Variants in FLG observed in about 807,000 individuals in gnomAD.
FLG encodes the protein epidermal filaggrin.
Under a neutral mutation model 3.8 loss-of-function variants are expected in FLG, and 6 were observed. The observed-to-expected ratio is 1.60, with a 90% CI of 0.87 to 3.15. FLG has a LOEUF of 3.15. Ranked by LOEUF, FLG falls within the 30% of genes most tolerant of loss-of-function variation. The probability of loss-of-function intolerance (pLI) is 0.00; values close to 1 mark genes in which losing one functional copy is unlikely to be tolerated. For missense variants in FLG, 7,595 were observed against 5,050.9 expected (o/e 1.50, Z -15.27); for synonymous variants, 2,551 against 1,931.6 (o/e 1.32, Z -8.41).
chr1:152,310,122 C>T lies in FLG; in HGVS notation c.4764G>A (p.Arg1588=), dbSNP rs1293165795. The change falls in exon 3 of 3, where the codon AGG becomes AGA. Residue 1588 remains arginine (R), a synonymous_variant. Transcript: ENST00000368799. ...CCTGACTAACACTGGATCCCTGGCG[C>T]CTGCTTGTCTTGGACCCCGCTGATT... ...QGESAGSKTS[R]RQGSSVSQDR... 8 of 1,613,816 alleles carry T rather than the reference C, an allele frequency of 5.0e-6. No homozygotes were observed. Among genetic ancestry groups the T allele is most frequent in the Middle Eastern group, 1.6e-4 (1 of 6,084 alleles).
At chr1:152,317,616 T>G (rs1215871085) in intron 1 of FLG, among the ~76,000 whole-genome samples, 1 of 152,022 alleles carries the variant, frequency 6.6e-6, no homozygotes, top group Non-Finnish European at 1.5e-5. Context: ...TGCCCTATGA[T>G]TCACTCCTTA....
chr1:152,321,881 T>G (rs745955181), intron 1 of FLG, among the ~76,000 whole-genome samples: 5 of 151,246 alleles, frequency 3.3e-5, no homozygotes, highest in Non-Finnish European at 4.5e-5. Flanking sequence ...TCCTTTCATA[T>G]AGATGCAAAA....
In FLG at chr1:152,307,593, G is replaced by A. The variant is rs760670220; in HGVS notation, c.7293C>T (p.Thr2431=). ...HEQSESAHGR[T]GTSTGGRQGS... The stretch of plus-strand genomic sequence containing the variant: ...CTTGTCTTCCTCCAGTGCTGGTCCC[G>A]GTCCGTCCATGGGCGGACTCAGACT... Residue 2431 remains threonine (T), a synonymous_variant, in exon 3 of 3, where the codon ACC becomes ACT. Transcript: ENST00000368799. The A allele has an allele frequency of 9.0e-5, 145 of 1,613,196 alleles. 1 individual carries two copies. The highest frequency in any genetic ancestry group is 2.7e-4 in the African/African-American group (20 of 74,684).
Position 152,309,823 on chromosome 1 carries a change from G to T in FLG, c.5063C>A (p.Ser1688Ter). 1 of 1,614,108 alleles carries T rather than the reference G, an allele frequency of 6.2e-7. No homozygotes were observed. Among genetic ancestry groups the T allele is most frequent in the Non-Finnish European group, 8.5e-7 (1 of 1,180,020 alleles). Residue 1688 changes from serine (S) to a stop codon, truncating the protein, a stop_gained, in exon 3 of 3, where the codon TCA becomes TAA. Coordinates refer to ENST00000368799, the MANE Select transcript of FLG (RefSeq NM_002016.2). LOFTEE classifies it low-confidence loss of function (END_TRUNC). Reference sequence around the variant, plus strand: ...GCCTGAGTCTGTGGAGCTGTCTGCTGACTGCTGGTGGCGGGATCCATGTCT... The same window carrying T: ...GCCTGAGTCTGTGGAGCTGTCTGCTTACTGCTGGTGGCGGGATCCATGTCT... ...GERHGSRHQQ[S>*]ADSSTDSGTG...
At position 152,308,292 on chromosome 1, in the gene FLG, T is replaced by C; in HGVS notation, c.6594A>G (p.Gln2198=). 6.2e-7 allele frequency: 1 copy of C among 1,613,502 alleles called. No individual in the cohort carries two copies. Among genetic ancestry groups the C allele is most frequent in the Non-Finnish European group, 8.5e-7 (1 of 1,179,602 alleles). ...CTGAGTGCCTAGAGCCATCTCCTGA[T>C]TGTTCCTTGTCATATGTTTTTCTGC... ...SASRKTYDKE[Q]SGDGSRHSGS... The change falls in exon 3 of 3, where the codon CAA becomes CAG. Residue 2198 remains glutamine (Q), a synonymous_variant. Transcript: ENST00000368799.
Position 152,310,720 on chromosome 1 carries a change from C to T in FLG, c.4166G>A (p.Gly1389Glu), listed in dbSNP as rs1652346357. 1 of 1,614,008 alleles carries T rather than the reference C, an allele frequency of 6.2e-7. No individual in the cohort carries two copies. Among genetic ancestry groups the T allele is most frequent in the African/African-American group, 1.3e-5 (1 of 74,986 alleles). The change falls in exon 3 of 3, where the codon GGG becomes GAG. Residue 1389 changes from glycine (G) to glutamate (E), a missense_variant. Coordinates refer to ENST00000368799, the MANE Select transcript of FLG (RefSeq NM_002016.2). ...GTTAGTGACCTGACTACCACTGGAC[C>T]CTCGGTGTCCACTGTCTCTGACTGC... is the stretch of plus-strand genomic sequence containing the variant. ...SSAVRDSGHRGSSGSQVTNSE... is the reference protein window; with the variant it reads ...SSAVRDSGHRESSGSQVTNSE...
At chr1:152,322,569 G>A (rs954203583) in intron 1 of FLG, among the ~76,000 whole-genome samples, 11 of 150,884 alleles carry the variant, frequency 7.3e-5, no homozygotes, top group Non-Finnish European at 1.6e-4. Context: ...TGAAATGGCT[G>A]TACTCAGAAT....
In FLG at chr1:152,307,190, T is replaced by G. The variant is rs1343687170; in HGVS notation, c.7696A>C (p.Ser2566Arg). 8.7e-6 allele frequency: 14 copies of G among 1,612,770 alleles called. No individual in the cohort carries two copies. The highest frequency in any genetic ancestry group is 2.7e-5 in the African/African-American group (2 of 73,872). Residue 2566 changes from serine (S) to arginine (R), a missense_variant, in exon 3 of 3, where the codon AGT becomes CGT. Transcript: ENST00000368799. ...GPRTSRNWGS[S>R]FSQDSDSQGH... ...TGACTGTCACTGTCCTGGCTAAAAC[T>G]GGATCCCCAGTTCCTGCTTGTCCTG...
In FLG at chr1:152,311,476, C is replaced by T. The variant is rs546382754; in HGVS notation, c.3410G>A (p.Ser1137Asn). ...GTGGGATCCTTGTCTTCGTCCAGTG[C>T]TGGTCCTGGTCCGCCCATGGGCAGA... ...SESAHGRTRT[S>N]TGRRQGSHHE... The change falls in exon 3 of 3, where the codon AGC (serine) becomes AAC (asparagine). Residue 1137 changes from serine (S) to asparagine (N), a missense_variant. By Grantham distance (46) the Ser-to-Asn change is conservative (BLOSUM62 1). Coordinates refer to ENST00000368799, the MANE Select transcript of FLG (RefSeq NM_002016.2). 16 of 1,613,808 alleles carry T rather than the reference C, an allele frequency of 9.9e-6. No individual in the cohort carries two copies. The highest frequency in any genetic ancestry group is 1.3e-5 in the Non-Finnish European group (15 of 1,179,980).
In FLG at chr1:152,309,218, A is replaced by G; in HGVS notation, c.5668T>C (p.Ser1890Pro). Residue 1890 changes from serine to proline, a missense_variant, in exon 3 of 3, where the codon TCT (serine) becomes CCT (proline). Ser to Pro is a moderately conservative substitution (Grantham distance 74). Transcript: ENST00000368799. Reference protein sequence around the residue: ...HSGSRHHEASSRADSSRHSQV... With the variant: ...HSGSRHHEASPRADSSRHSQV... ...GAGTGTCTAGAGCTGTCGGCCCGAGAGGAAGCTTCATGGTGACGCGACCCT... is the reference window on the plus strand; with the variant it reads ...GAGTGTCTAGAGCTGTCGGCCCGAGGGGAAGCTTCATGGTGACGCGACCCT... 2.5e-6 allele frequency: 4 copies of G among 1,613,182 alleles called. No homozygotes were observed. The highest frequency in any genetic ancestry group is 3.4e-6 in the Non-Finnish European group (4 of 1,179,802).
Position 152,307,937 on chromosome 1 carries a change from A to T in FLG, c.6949T>A (p.Ser2317Thr). 5 of 1,613,888 alleles carry T rather than the reference A, an allele frequency of 3.1e-6. No homozygotes were observed. The highest frequency in any genetic ancestry group is 4.2e-6 in the Non-Finnish European group (5 of 1,180,008). The change falls in exon 3 of 3, where the codon TCA becomes ACA. Residue 2317 changes from serine to threonine, a missense_variant. Transcript: ENST00000368799. ...CTTGATCTTGCCTGTTCATGGGATG[A>T]TGCAGCCTGTCCACCAGAGGAATTC... is the stretch of plus-strand genomic sequence containing the variant. ...AENSSGGQAA[S>T]SHEQARSSAG... is the part of the protein sequence containing the mutation.
Position 152,305,728 on chromosome 1 carries a change from C to T in FLG, c.9158G>A (p.Gly3053Glu). The T allele has an allele frequency of 8.0e-7, 1 of 1,254,422 alleles. No homozygotes were observed. The highest frequency in any genetic ancestry group is 1.1e-6 in the Non-Finnish European group (1 of 935,208). The allele number at this position is 1,254,422 out of a possible 1,614,324, so 77.7% of individuals were successfully genotyped here. A position where few individuals can be genotyped will look rare whatever the true frequency, so the allele number is the denominator to read the frequency against. The change falls in exon 3 of 3, where the codon GGG (glycine) becomes GAG (glutamate). Residue 3053 changes from glycine to glutamate, a missense_variant. Transcript: ENST00000368799. ...SHQESARGRS[G>E]ETSGHSGSFL... ...AGATCCTGAATGTCCAGACGTTTCC[C>T]CTGACCGGCCACGTGCGGACTCTTG...
chr1:152,308,621 A>G lies in FLG; in HGVS notation c.6265T>C (p.Ser2089Pro), dbSNP rs766040205. Residue 2089 changes from serine (S) to proline (P), a missense_variant, in exon 3 of 3, where the codon TCT becomes CCT. Ser to Pro is a moderately conservative substitution (Grantham distance 74). Coordinates refer to ENST00000368799, the MANE Select transcript of FLG (RefSeq NM_002016.2). Reference protein sequence around the residue: ...QSGESSGRSGSFLYQVSTHEQ... With the variant: ...QSGESSGRSGPFLYQVSTHEQ... ...TGAGTGCTCACCTGGTAGAGGAAAG[A>G]CCCTGAACGTCCAGAGCTTTCCCCT... is the stretch of plus-strand genomic sequence containing the variant. 4 of 1,613,508 alleles carry G rather than the reference A, an allele frequency of 2.5e-6. No individual in the cohort carries two copies. The highest frequency in any genetic ancestry group is 3.4e-6 in the Non-Finnish European group (4 of 1,179,804).
chr1:152,313,631 C>T lies in FLG; in HGVS notation c.1255G>A (p.Gly419Ser), dbSNP rs114486119. 2.8e-3 allele frequency: 4,507 copies of T among 1,613,838 alleles called. 108 individuals are homozygous for T. In the African/African-American group the frequency reaches 0.052, roughly 19 times the overall value. The part of the protein sequence containing the change: ...VSDRGHRGSS[G>S]SQASDSEGHS... ...CCCTCACTGTCACTGGCCTGACTAC[C>T]GCTAGACCCCCGGTGTCCACGATCG... The change falls in exon 3 of 3, where the codon GGT (glycine) becomes AGT (serine). Residue 419 changes from glycine to serine, a missense_variant. Transcript: ENST00000368799.
chr1:152,311,520 G>T lies in FLG; in HGVS notation c.3366C>A (p.Ser1122Arg), dbSNP rs1401893961. ...GGGCAGACTCAGACTGTTCATGAGT[G>T]CTCACCTGGTAGATGAAAGACCCTG... Reference protein sequence around the residue: ...GRSGSFIYQVSTHEQSESAHG... With the variant: ...GRSGSFIYQVRTHEQSESAHG... The change falls in exon 3 of 3, where the codon AGC (serine) becomes AGA (arginine). Residue 1122 changes from serine (S) to arginine (R), a missense_variant. Physicochemically the swap from Ser to Arg is moderately radical, Grantham distance 110 (BLOSUM62 -1). Transcript: ENST00000368799. 4.3e-6 allele frequency: 7 copies of T among 1,613,888 alleles called. No individual in the cohort carries two copies. In the East Asian group the frequency reaches 1.3e-4, roughly 31 times the overall value.
intron 1 of FLG, among the ~76,000 whole-genome samples, chr1:152,320,197 A>G (rs1282138299): frequency 2.0e-5 from 3 of 151,234 alleles, no homozygotes; most frequent in Non-Finnish European, 4.5e-5. Context: ...CAAAAAAGTC[A>G]AGAATAGAAA....
At position 152,313,791 on chromosome 1, in the gene FLG, A is replaced by G; in HGVS notation, c.1095T>C (p.Ser365=). The G allele has an allele frequency of 6.2e-7, 1 of 1,614,092 alleles. No individual in the cohort carries two copies. Among genetic ancestry groups the G allele is most frequent in the Non-Finnish European group, 8.5e-7 (1 of 1,180,002 alleles). ...QSGTRHAETS[S]RGQTASSHEQ... ...CATGGGATGATGCAGTCTGTCCACG[A>G]GAGGAAGTCTCTGCGTGACGAGTGC... The change falls in exon 3 of 3, where the codon TCT becomes TCC. Residue 365 remains serine, a synonymous_variant. Coordinates refer to ENST00000368799, the MANE Select transcript of FLG (RefSeq NM_002016.2).
At chr1:152,319,223 G>A (rs1423039124) in intron 1 of FLG, among the ~76,000 whole-genome samples, 3 of 150,960 alleles carry the variant, frequency 2.0e-5, no homozygotes, top group Non-Finnish European at 4.5e-5. Context: ...TTTGGTAAGA[G>A]AGTGATCTAA....
rs370807333 is a variant in FLG at position 152,307,721 on chromosome 1, C to T, written c.7165G>A (p.Ala2389Thr). The change falls in exon 3 of 3, where the codon GCT becomes ACT. Residue 2389 changes from alanine to threonine, a missense_variant. By Grantham distance (58) the Ala-to-Thr change is moderately conservative. Coordinates refer to ENST00000368799, the MANE Select transcript of FLG (RefSeq NM_002016.2). ...DTQSVSAHGQ[A>T]GPHQQSHQES... ...TGGTGGCTCTGCTGATGGGGCCCAG[C>T]CTGTCCGTGGGCTGACACTGACTGT... 4.3e-6 allele frequency: 7 copies of T among 1,613,392 alleles called. No individual in the cohort carries two copies. The African/African-American group carries it at 9.4e-5, about 22-fold the overall frequency.
Sources: allele counts gnomAD v4.1 joint callset (sites outside exome capture counted in the v4.1 genomes callset), GRCh38; gene constraint gnomAD v4.1.1; transcripts MANE v1.5; gene names NCBI Gene and HGNC (gene_info 2026-07-23, HGNC 2026-07-21).